PRKG2: variants seen among roughly 807,000 people sequenced by gnomAD.
PRKG2 encodes protein kinase cGMP-dependent 2, also known as cGMP-dependent protein kinase 2.
A neutral mutation model predicts 97.2 loss-of-function variants in PRKG2; 33 were observed. The observed-to-expected ratio is 0.34, with a 90% CI of 0.26 to 0.45. PRKG2 has a LOEUF of 0.45. Among genes scored for constraint, PRKG2 ranks in the 20% least tolerant of loss-of-function variants. PRKG2 has a pLI of 1.00. For missense variants in PRKG2, 638 were observed against 900.0 expected (o/e 0.71, Z 3.73); for synonymous variants, 330 against 321.8 (o/e 1.03, Z -0.27).
chr4:81,216,522 CAA>C (rs572693205), upstream of PRKG2, among the ~76,000 whole-genome samples: 27 of 152,192 alleles, frequency 1.8e-4, 2 homozygotes, highest in South Asian at 5.6e-3. Flanking sequence ...AACAGATTTT[CAA>C]AGTCTTCACT....
chr4:81,202,154 T>C (rs1351442364), intron 2 of PRKG2, among the ~76,000 whole-genome samples: 1 of 152,214 alleles, frequency 6.6e-6, no homozygotes, highest in African/African-American at 2.4e-5. Flanking sequence ...CTCTAACTTC[T>C]GGAAAATTGT....
At chr4:81,172,434 C>T (rs990182927) in intron 3 of PRKG2, among the ~76,000 whole-genome samples, 1 of 152,080 alleles carries the variant, frequency 6.6e-6, no homozygotes, top group Non-Finnish European at 1.5e-5. Context: ...GGGCAAGTTA[C>T]TTCATGGTGC....
At chr4:81,136,462 T>C (rs1027144128) in intron 13 of PRKG2, among the ~76,000 whole-genome samples, 25 of 152,314 alleles carry the variant, frequency 1.6e-4, no homozygotes, top group Admixed American at 1.4e-3. Context: ...ATATGTGGCC[T>C]TGCATCAACT....
chr4:81,113,747 C>G lies in PRKG2; in HGVS notation c.1777-3136G>C, dbSNP rs1434540039. ...AACCAGATGATTCACGGTGACATGC[C>G]ATTCCAAAAAAATATTTATGTGGCA... On this transcript the variant is annotated intron_variant, in intron 14 of 18. Transcript: ENST00000264399. 2.6e-5 allele frequency among the ~76,000 whole-genome samples: 4 copies of G among 152,036 alleles called. No homozygotes were observed. In the East Asian group the frequency reaches 7.7e-4, roughly 29 times the overall value.
intron 2 of PRKG2, among the ~76,000 whole-genome samples, chr4:81,187,292 T>C (rs1417282009): frequency 6.6e-6 from 1 of 152,190 alleles, no homozygotes; most frequent in Non-Finnish European, 1.5e-5. Context: ...AAAGTCGGCT[T>C]CATCCTTGGG....
upstream of PRKG2, among the ~76,000 whole-genome samples, chr4:81,215,800 T>C (rs1223269582): frequency 1.3e-5 from 2 of 151,744 alleles, no homozygotes; most frequent in African/African-American, 2.4e-5. Context: ...GGACAGAGAT[T>C]ATACCTTCCG....
chr4:81,140,930 C>G (rs1366995638), intron 11 of PRKG2, among the ~76,000 whole-genome samples: 1 of 152,006 alleles, frequency 6.6e-6, no homozygotes, highest in Non-Finnish European at 1.5e-5. Context: ...GATAGCTATT[C>G]TATTTTTAAT....
intron 2 of PRKG2, chr4:81,193,419 T>C (rs1404063221): frequency 6.6e-6 from 1 of 152,106 alleles, no homozygotes; most frequent in Non-Finnish European, 1.5e-5. Flanking sequence ...GAGAATTAAA[T>C]TAGTTAACAA....
chr4:81,127,027 T>C (rs1254709460), intron 14 of PRKG2, among the ~76,000 whole-genome samples: 1 of 151,858 alleles, frequency 6.6e-6, no homozygotes, highest in Non-Finnish European at 1.5e-5. Flanking sequence ...GTCTTTATCT[T>C]GAGTTAATTT....
intron 6 of PRKG2, among the ~76,000 whole-genome samples, chr4:81,158,295 C>T (rs1386525182): frequency 3.4e-5 from 5 of 146,500 alleles, no homozygotes; most frequent in African/African-American, 1.4e-4. Context: ...AACAGACAAA[C>T]AGAGAGCCAA....
At chr4:81,118,865 G>C (rs1744803532) in intron 14 of PRKG2, among the ~76,000 whole-genome samples, 1 of 152,164 alleles carries the variant, frequency 6.6e-6, no homozygotes, top group Admixed American at 6.5e-5. Flanking sequence ...CATGATCTCT[G>C]CTCAATGCAG....
At chr4:81,160,566 C>T (rs1442995284) in intron 6 of PRKG2, among the ~76,000 whole-genome samples, 1 of 152,092 alleles carries the variant, frequency 6.6e-6, no homozygotes, top group Non-Finnish European at 1.5e-5. Context: ...GAAAATTACC[C>T]TTAATTTCTA....
chr4:81,105,841 G>A lies in PRKG2; in HGVS notation c.2035C>T (p.Pro679Ser). Residue 679 changes from proline (P) to serine (S), a missense_variant, in exon 16 of 19, where the codon CCT becomes TCT. Physicochemically the swap from Pro to Ser is moderately conservative, Grantham distance 74 (BLOSUM62 -1). This residue lies in a region of PRKG2 where 304 missense variants were observed against 460.5 expected (regional missense o/e 0.66). Transcript: ENST00000264399. ...MDFPRKITRRPEDLIRRLCRQ... is the reference protein window; with the variant it reads ...MDFPRKITRRSEDLIRRLCRQ... ...CAAAGCCTCCGAATCAAATCCTCAG[G>A]TCGTCGTGTTATCTTCCTGGGAAAA... is the stretch of plus-strand genomic sequence containing the variant. The A allele has an allele frequency of 1.2e-6, 2 of 1,613,826 alleles. No homozygotes were observed. Among genetic ancestry groups the A allele is most frequent in the South Asian group, 1.1e-5 (1 of 91,080 alleles).
At chr4:81,132,388 T>C (rs1259406688) in intron 14 of PRKG2, among the ~76,000 whole-genome samples, 1 of 152,188 alleles carries the variant, frequency 6.6e-6, no homozygotes, top group Admixed American at 6.5e-5. Context: ...TTTATCTTTC[T>C]TAGTCTAATT....
chr4:81,156,015 T>A (rs1270207466), intron 6 of PRKG2, among the ~76,000 whole-genome samples: 3 of 150,980 alleles, frequency 2.0e-5, no homozygotes, highest in African/African-American at 7.3e-5. Flanking sequence ...GAAGAAACTG[T>A]ATCAACTAAC....
At chr4:81,090,803 T>C (rs1741457253) in intron 18 of PRKG2, among the ~76,000 whole-genome samples, 1 of 152,230 alleles carries the variant, frequency 6.6e-6, no homozygotes, top group Non-Finnish European at 1.5e-5. Flanking sequence ...ATTCTTAGAA[T>C]TTGTATCTGC....
Position 81,189,066 on chromosome 4 carries a change from T to TAAAATAAAAAAAAAAAAAAAAAAAA in PRKG2, c.462-14108_462-14107insTTTTTTTTTTTTTTTTTTTTATTTT, listed in dbSNP as rs1752192390. On this transcript the variant is annotated intron_variant, in intron 2 of 18. Coordinates refer to ENST00000264399, the MANE Select transcript of PRKG2 (RefSeq NM_006259.3). ...AAAAAAAAAAGATTAAAAAAAATAATAAAAAAAAAAAAAAAAAAAAAAAAA... is the reference window on the plus strand; with the variant it reads ...AAAAAAAAAAGATTAAAAAAAATAATAAAATAAAAAAAAAAAAAAAAAAAAAAAAAAAAAAAAAAAAAAAAAAAAA... 1.2e-4 allele frequency among the ~76,000 whole-genome samples: 2 copies of TAAAATAAAAAAAAAAAAAAAAAAAA among 17,060 alleles called. 1 individual carries two copies. The highest frequency in any genetic ancestry group is 1.6e-3 in the African/African-American group (2 of 1,256). 11.2% of individuals were successfully genotyped at this position (17,060 alleles called of 152,430 possible). A position where few individuals can be genotyped will look rare whatever the true frequency, so the allele number is the denominator to read the frequency against.
At chr4:81,153,972 G>A (rs1330237664) in intron 6 of PRKG2, 4 of 303,656 alleles carry the variant, frequency 1.3e-5, no homozygotes, top group Non-Finnish European at 2.5e-5. Flanking sequence ...AAGGGGTCAG[G>A]GAGTTCCCTT....
chr4:81,167,346 A>C (rs1341750515), intron 5 of PRKG2, 122 bp from the exon 6 acceptor site: 1 of 572,136 alleles, frequency 1.7e-6, no homozygotes, highest in Non-Finnish European at 2.9e-6. Context: ...ATTCTTCCAA[A>C]GTAAATGTCC....
Sources: gnomAD v4.1 joint callset for allele counts (sites outside exome capture counted in the v4.1 genomes callset) on GRCh38, gnomAD v4.1.1 for gene constraint, gnomAD v4.1.1 regional missense constraint, MANE v1.5 for transcripts, NCBI Gene and HGNC (gene_info 2026-07-23, HGNC 2026-07-21) for gene names.